The following FBXL7 variants were observed in gnomAD, a reference collection of about 807,000 sequenced individuals.
FBXL7 encodes F-box and leucine rich repeat protein 7.
FBXL7 carries 12 observed loss-of-function variants against 38.3 expected under a neutral mutation model. The observed-to-expected ratio is 0.31, with a 90% confidence interval of 0.20 to 0.51. FBXL7 has a LOEUF of 0.51. Among genes scored for constraint, FBXL7 ranks in the 20% least tolerant of loss-of-function variants. The pLI is 0.98. For missense variants in FBXL7, 567 were observed against 676.4 expected, an observed-to-expected ratio of 0.84 and a Z score of 1.79; for synonymous variants, 297 against 300.9, an observed-to-expected ratio of 0.99 and a Z score of 0.13.
At chr5:15,629,679 T>G (rs1452596022) in intron 2 of FBXL7, among the ~76,000 whole-genome samples, 2 of 152,194 alleles carry the variant, frequency 1.3e-5, no homozygotes, top group Non-Finnish European at 2.9e-5. Context: ...TCCACTTGGT[T>G]GAAGTCTTTT....
At chr5:15,631,168 T>C (rs987570305) in intron 2 of FBXL7, among the ~76,000 whole-genome samples, 2 of 152,208 alleles carry the variant, frequency 1.3e-5, no homozygotes, top group Non-Finnish European at 2.9e-5. Context: ...CCAAATTTAC[T>C]TTCTTTTCCT....
intron 2 of FBXL7, among the ~76,000 whole-genome samples, chr5:15,843,388 T>C (rs539960110): frequency 6.6e-6 from 1 of 152,334 alleles, no homozygotes; most frequent in African/African-American, 2.4e-5. Context: ...CACAAGGTCA[T>C]AGATTTCACC....
chr5:15,915,210 T>C (rs576973034), intron 2 of FBXL7, among the ~76,000 whole-genome samples: 2 of 152,318 alleles, frequency 1.3e-5, no homozygotes, highest in South Asian at 4.1e-4. Context: ...AAGCATTCAA[T>C]ATAAAAGTGT....
chr5:15,536,658 A>G (rs1452167014), intron 1 of FBXL7, among the ~76,000 whole-genome samples: 2 of 152,206 alleles, frequency 1.3e-5, no homozygotes, highest in Non-Finnish European at 2.9e-5. Context: ...TATCTTGGAA[A>G]TAACTAACTT....
chr5:15,537,366 A>G lies in FBXL7; in HGVS notation c.37+36653A>G, dbSNP rs116411746. ...GAGGCATGAAAACACAGTAGATAGG[A>G]CACACCAAGACTCCAGACCAAATAC... On this transcript the variant is annotated intron_variant, in intron 1 of 3. Coordinates refer to ENST00000504595, the MANE Select transcript of FBXL7 (RefSeq NM_012304.5). 2.3e-3 allele frequency among the ~76,000 whole-genome samples: 345 copies of G among 152,366 alleles called. 2 individuals are homozygous for G. Among genetic ancestry groups the G allele is most frequent in the African/African-American group, 7.4e-3 (307 of 41,590 alleles).
chr5:15,878,190 A>C (rs928102836), intron 2 of FBXL7, among the ~76,000 whole-genome samples: 1 of 152,186 alleles, frequency 6.6e-6, no homozygotes, highest in African/African-American at 2.4e-5. Context: ...TTTTTGAACA[A>C]AGAACACTGC....
chr5:15,722,775 T>C (rs1426551221), intron 2 of FBXL7, among the ~76,000 whole-genome samples: 2 of 151,836 alleles, frequency 1.3e-5, no homozygotes, highest in Non-Finnish European at 2.9e-5. Flanking sequence ...ATACAAAAAT[T>C]AGCCCAGCGT....
At chr5:15,636,901 A>G (rs1285727898) in intron 2 of FBXL7, among the ~76,000 whole-genome samples, 1 of 152,166 alleles carries the variant, frequency 6.6e-6, no homozygotes, top group Non-Finnish European at 1.5e-5. Context: ...AAATTCACAT[A>G]GTTGATATTG....
At chr5:15,724,185 G>A (rs1412978129) in intron 2 of FBXL7, among the ~76,000 whole-genome samples, 1 of 152,086 alleles carries the variant, frequency 6.6e-6, no homozygotes, top group Admixed American at 6.5e-5. Context: ...TTAATATTGT[G>A]TAACTCTCCA....
Position 15,794,473 on chromosome 5 carries a change from C to CA in FBXL7, c.128-133416dup. 2.9e-5 allele frequency among the ~76,000 whole-genome samples: 3 copies of CA among 103,252 alleles called. No individual in the cohort carries two copies. In the South Asian group the frequency reaches 1.1e-3, roughly 36 times the overall value. The allele number at this position is 103,252 out of a possible 152,430, so 67.7% of individuals were successfully genotyped here. A position where few individuals can be genotyped will look rare whatever the true frequency, so the allele number is the denominator to read the frequency against. Reference sequence around the variant, plus strand: ...CTCCTATTCTAAGTACCCCTAAGTTCAGAACAACAAATGACTGAAATTTTA... The same window carrying CA: ...CTCCTATTCTAAGTACCCCTAAGTTCAAGAACAACAAATGACTGAAATTTTA... On this transcript the variant is annotated intron_variant, in intron 2 of 3. Coordinates refer to ENST00000504595, the MANE Select transcript of FBXL7 (RefSeq NM_012304.5).
intron 1 of FBXL7, among the ~76,000 whole-genome samples, chr5:15,557,488 G>T (rs2126432130): frequency 6.6e-6 from 1 of 152,252 alleles, no homozygotes; most frequent in East Asian, 1.9e-4. Context: ...TATGGCATAA[G>T]GCTTCTAAAA....
intron 2 of FBXL7, among the ~76,000 whole-genome samples, chr5:15,898,988 T>C (rs770573676): frequency 1.1e-4 from 16 of 152,306 alleles, no homozygotes; most frequent in Non-Finnish European, 2.2e-4. Context: ...AATATAAATG[T>C]GTGTGAGATA....
chr5:15,599,923 C>T lies in FBXL7; in HGVS notation c.38-16060C>T, dbSNP rs147986143. Reference sequence around the variant, plus strand: ...GGAAGCATAGCCTCTGCTTAGAAGCCAGAAACAGACATGTCAAGGGTGGGA... The same window carrying T: ...GGAAGCATAGCCTCTGCTTAGAAGCTAGAAACAGACATGTCAAGGGTGGGA... On this transcript the variant is annotated intron_variant, in intron 1 of 3. Transcript: ENST00000504595. Among the ~76,000 whole-genome samples, 254 of 150,382 alleles carry T rather than the reference C, an allele frequency of 1.7e-3. 1 individual carries two copies. Among genetic ancestry groups the T allele is most frequent in the African/African-American group, 5.2e-3 (217 of 41,372 alleles).
At chr5:15,831,213 G>A (rs1332042077) in intron 2 of FBXL7, among the ~76,000 whole-genome samples, 6 of 152,166 alleles carry the variant, frequency 3.9e-5, no homozygotes, top group Admixed American at 1.3e-4. Context: ...AAGGGAATTT[G>A]CGATTGTTTT....
chr5:15,830,786 C>T (rs989522866), intron 2 of FBXL7, among the ~76,000 whole-genome samples: 3 of 152,086 alleles, frequency 2.0e-5, no homozygotes, highest in Admixed American at 1.3e-4. Flanking sequence ...TGACTGTGCC[C>T]AAAGGGAGAG....
intron 1 of FBXL7, among the ~76,000 whole-genome samples, chr5:15,541,471 AT>A (rs1737750546): frequency 4.0e-5 from 5 of 126,468 alleles, no homozygotes; most frequent in Admixed American, 3.2e-4. Flanking sequence ...ATATATATAT[AT>A]ATATATATAA....
intron 1 of FBXL7, among the ~76,000 whole-genome samples, chr5:15,514,852 T>G (rs1452991404): frequency 1.3e-5 from 2 of 152,138 alleles, no homozygotes. Flanking sequence ...CCACATGCAG[T>G]GACTAGTTTA....
chr5:15,674,306 G>A (rs1249231715), intron 2 of FBXL7, among the ~76,000 whole-genome samples: 1 of 152,140 alleles, frequency 6.6e-6, no homozygotes, highest in African/African-American at 2.4e-5. Flanking sequence ...CTGTGTTATT[G>A]AATATCCTTA....
intron 2 of FBXL7, among the ~76,000 whole-genome samples, chr5:15,660,908 A>AT (rs536629812): frequency 2.3e-4 from 35 of 151,288 alleles, no homozygotes; most frequent in South Asian, 8.4e-4. Flanking sequence ...TAATCTAACT[A>AT]TTTTTTTTTA....
Sources: allele counts gnomAD v4.1 joint callset (sites outside exome capture counted in the v4.1 genomes callset), GRCh38; gene constraint gnomAD v4.1.1; transcripts MANE v1.5; gene names NCBI Gene and HGNC (gene_info 2026-07-23, HGNC 2026-07-21).